GTF3C5: variants seen among roughly 807,000 people sequenced by gnomAD.
GTF3C5 encodes the protein general transcription factor 3C polypeptide 5.
A neutral mutation model predicts 61.0 loss-of-function variants in GTF3C5; 47 were observed. The observed-to-expected ratio is 0.77, with a 90% CI of 0.61 to 0.98. The LOEUF (loss-of-function observed/expected upper bound fraction) is 0.98, where lower values mean the gene tolerates loss of function less well. GTF3C5 is among the 50% of genes least tolerant of loss of function. The pLI is 0.00. For synonymous variants in GTF3C5, 295 were observed against 275.4 expected (o/e 1.07, Z -0.71); for missense variants, 659 against 703.3 (o/e 0.94, Z 0.71).
intron 1 of GTF3C5, among the ~76,000 whole-genome samples, 163 bp downstream of exon 1, chr9:133,031,327 G>A (rs1319113804): frequency 1.3e-5 from 2 of 152,110 alleles, no homozygotes; most frequent in Non-Finnish European, 2.9e-5. Context: ...AACAAAGAAG[G>A]GAAGGATTTT....
intron 1 of GTF3C5, among the ~76,000 whole-genome samples, chr9:133,034,771 C>T (rs1246321900): frequency 6.6e-6 from 1 of 152,136 alleles, no homozygotes; most frequent in Admixed American, 6.5e-5. Context: ...TGCTCAGAGG[C>T]CTTCAGTCCT....
At position 133,043,937 on chromosome 9, in the gene GTF3C5, C is replaced by A. The variant is rs775157297; in HGVS notation, c.572+11C>A. ...AGAGACCCAGCACCGGTAAGGCCCC[C>A]CTCCATGCAGCCTCGGTTCTCTATC... On this transcript the variant is annotated intron_variant, in intron 3 of 10. Coordinates refer to ENST00000372097, the MANE Select transcript of GTF3C5 (RefSeq NM_012087.4). 11 of 1,602,036 alleles carry A rather than the reference C, an allele frequency of 6.9e-6. No homozygotes were observed. Among genetic ancestry groups the A allele is most frequent in the Non-Finnish European group, 9.4e-6 (11 of 1,169,654 alleles).
At position 133,056,178 on chromosome 9, in the gene GTF3C5, C is replaced by T. The variant is rs537061033; in HGVS notation, c.1250+84C>T. ...GCGGTCTCTGAACTCTTCCACTTCA[C>T]GTCGGCCTTCATCTCCGGCAAGAGC... On this transcript the variant is annotated intron_variant, in intron 9 of 10. Coordinates refer to ENST00000372097, the MANE Select transcript of GTF3C5 (RefSeq NM_012087.4). 3,826 of 1,121,226 alleles carry T rather than the reference C, an allele frequency of 3.4e-3. 14 individuals carry two copies. The highest frequency in any genetic ancestry group is 4.3e-3 in the Non-Finnish European group (3,294 of 763,202). 69.5% of individuals were successfully genotyped at this position (1,121,226 alleles called of 1,614,324 possible). A position where few individuals can be genotyped will look rare whatever the true frequency, so the allele number is the denominator to read the frequency against.
intron 9 of GTF3C5, among the ~76,000 whole-genome samples, chr9:133,056,309 A>T (rs760208298): frequency 5.3e-5 from 8 of 152,168 alleles, no homozygotes; most frequent in African/African-American, 1.4e-4. Context: ...GCGCAGAGAC[A>T]GTTCTTACTG....
chr9:133,057,937 G>T lies in GTF3C5; in HGVS notation c.1517G>T (p.Gly506Val), dbSNP rs199967129. The T allele has an allele frequency of 1.6e-4, 266 of 1,614,010 alleles. 2 individuals carry two copies. In the East Asian group the frequency reaches 5.0e-3, roughly 30 times the overall value. The change falls in exon 11 of 11, where the codon GGC (glycine) becomes GTC (valine). Residue 506 changes from glycine (G) to valine (V), a missense_variant. Physicochemically the swap from Gly to Val is moderately radical, Grantham distance 109. Transcript: ENST00000372097. Reference sequence around the variant, plus strand: ...GAGGAGGACTTCAAGCCATCCGACGGCAGTGAAAACGAAATGGAGACAGAG... The same window carrying T: ...GAGGAGGACTTCAAGCCATCCGACGTCAGTGAAAACGAAATGGAGACAGAG... ...EEEEDFKPSDGSENEMETEIL... is the reference protein window; with the variant it reads ...EEEEDFKPSDVSENEMETEIL...
chr9:133,040,971 A>G (rs1850022038), intron 1 of GTF3C5, among the ~76,000 whole-genome samples: 1 of 152,264 alleles, frequency 6.6e-6, no homozygotes, highest in African/African-American at 2.4e-5. Context: ...CTCTATAATC[A>G]TAACCTAAGA....
chr9:133,041,243 ACTC>A (rs958715056), intron 1 of GTF3C5, among the ~76,000 whole-genome samples: 4 of 151,622 alleles, frequency 2.6e-5, no homozygotes, highest in African/African-American at 4.9e-5. Flanking sequence ...AGAAGACTCT[ACTC>A]CTCCACCTCT....
intron 3 of GTF3C5, among the ~76,000 whole-genome samples, chr9:133,048,770 T>G (rs1040646113): frequency 1.3e-5 from 2 of 152,232 alleles, no homozygotes; most frequent in Non-Finnish European, 2.9e-5. Context: ...GGGAAGCTGT[T>G]TCCAGCCCCT....
At chr9:133,031,279 G>T in intron 1 of GTF3C5, 115 bp downstream of exon 1, 1 of 842,832 alleles carries the variant, frequency 1.2e-6, no homozygotes, top group South Asian at 1.7e-5. Flanking sequence ...GCAGAAGGGT[G>T]CTGCTCGCTC....
chr9:133,051,678 C>T (rs1374271064), intron 4 of GTF3C5, among the ~76,000 whole-genome samples: 1 of 152,214 alleles, frequency 6.6e-6, no homozygotes. Context: ...TCCCCTTCAG[C>T]CCTGACGATG....
At chr9:133,055,708 CGGCACAA>C in intron 8 of GTF3C5, 1 of 985,420 alleles carries the variant, frequency 1.0e-6, no homozygotes, top group Non-Finnish European at 1.2e-6. Flanking sequence ...GAGCAGAGCC[CGGCACAA>C]GGCTAGTGCC....
intron 6 of GTF3C5, 52 bp downstream of exon 6, chr9:133,053,994 A>C (rs1272197785): frequency 1.8e-6 from 2 of 1,096,916 alleles, no homozygotes; most frequent in Admixed American, 3.9e-5. Flanking sequence ...TTTATCTTTC[A>C]GTTTCTAGCA....
At chr9:133,043,635 C>G (rs976219210) in intron 2 of GTF3C5, 93 bp from the exon 3 acceptor site, 17 of 1,021,844 alleles carry the variant, frequency 1.7e-5, no homozygotes, top group Non-Finnish European at 2.4e-5. Context: ...ACATGGCCCA[C>G]TCAGCACCTC....
chr9:133,046,514 GTTTTC>G (rs1359553346), intron 3 of GTF3C5, among the ~76,000 whole-genome samples: 1 of 152,198 alleles, frequency 6.6e-6, no homozygotes, highest in Non-Finnish European at 1.5e-5. Context: ...GCTCAGAGCA[GTTTTC>G]TTTGAAGGGG....
chr9:133,053,500 A>C (rs1015254215), intron 5 of GTF3C5, among the ~76,000 whole-genome samples: 3 of 152,126 alleles, frequency 2.0e-5, no homozygotes, highest in Non-Finnish European at 4.4e-5. Flanking sequence ...TAGGAGGATC[A>C]CTTGAGCCCA....
Position 133,031,156 on chromosome 9 carries a change from G to A in GTF3C5, c.145G>A (p.Val49Ile), listed in dbSNP as rs750479450. The A allele has an allele frequency of 6.3e-7, 1 of 1,574,860 alleles. No homozygotes were observed. Among genetic ancestry groups the A allele is most frequent in the Admixed American group, 1.8e-5 (1 of 54,866 alleles). ...MLPTLGGEEG[V>I]SRIYADPTKR... ...GCCGACTCTGGGCGGCGAGGAAGGCGTCTCCCGGGTAAGGGGCTGGGAATC... is the reference window on the plus strand; with the variant it reads ...GCCGACTCTGGGCGGCGAGGAAGGCATCTCCCGGGTAAGGGGCTGGGAATC... Residue 49 changes from valine to isoleucine, a missense_variant, in exon 1 of 11, where the codon GTC (valine) becomes ATC (isoleucine). Val to Ile is a conservative substitution (Grantham distance 29). Transcript: ENST00000372097.
rs1850345888 is a variant in GTF3C5, at chr9:133,050,766, G to T, written c.573-17G>T. 1 of 1,598,692 alleles carries T rather than the reference G, an allele frequency of 6.3e-7. No individual in the cohort carries two copies. The highest frequency in any genetic ancestry group is 8.6e-7 in the Non-Finnish European group (1 of 1,169,246). On this transcript the variant is annotated splice_polypyrimidine_tract_variant and intron_variant, in intron 3 of 10. Transcript: ENST00000372097. ...GGCCTTGGTGCTCCTGTTCTCACCT[G>T]TACTCTCTGCCCCCAGGGAAGGCTA...
At chr9:133,049,688 A>G (rs1007671972) in intron 3 of GTF3C5, among the ~76,000 whole-genome samples, 5 of 152,194 alleles carry the variant, frequency 3.3e-5, no homozygotes, top group Admixed American at 2.0e-4. Context: ...TACTACAAAT[A>G]TTTTGAGAAA....
chr9:133,053,814 C>CTT lies in GTF3C5; in HGVS notation c.874-11_874-10dup, dbSNP rs1829834225. ...TTCACCTCACCTCACATTTTCCCCA[C>CTT]TTTTCTGTCCCAGATAACAGGCCCC... On this transcript the variant is annotated splice_polypyrimidine_tract_variant and intron_variant, in intron 5 of 10. Transcript: ENST00000372097. The CTT allele has an allele frequency of 6.4e-7, 1 of 1,571,254 alleles. No individual in the cohort carries two copies. Among genetic ancestry groups the CTT allele is most frequent in the Admixed American group, 1.7e-5 (1 of 57,310 alleles).
Sources: gnomAD v4.1 joint callset for allele counts (sites outside exome capture counted in the v4.1 genomes callset) on GRCh38, gnomAD v4.1.1 for gene constraint, MANE v1.5 for transcripts, NCBI Gene and HGNC (gene_info 2026-07-23, HGNC 2026-07-21) for gene names.